The following ANKRD18A variants were observed in gnomAD, a reference collection of about 807,000 sequenced individuals.
ANKRD18A encodes ankyrin repeat domain 18A.
In ANKRD18A, 72 loss-of-function variants were observed where a neutral mutation model predicts 110.6. The ratio of observed to expected loss-of-function variants is 0.65; its 90% CI spans 0.54 to 0.79. The LOEUF (loss-of-function observed/expected upper bound fraction) is 0.79. Among genes scored for constraint, ANKRD18A ranks in the 30% least tolerant of loss-of-function variants. The probability of loss-of-function intolerance (pLI) is 0.00; values close to 1 mark genes in which losing one functional copy is unlikely to be tolerated. For missense variants in ANKRD18A, 934 were observed against 1,163.3 expected (o/e 0.80, Z 2.87); for synonymous variants, 305 against 410.3 (o/e 0.74, Z 3.10).
At chr9:38,619,397 T>C (rs1290278771) in intron 1 of ANKRD18A, among the ~76,000 whole-genome samples, 1 of 152,210 alleles carries the variant, frequency 6.6e-6, no homozygotes, top group African/African-American at 2.4e-5. Flanking sequence ...TGTTTTTGGA[T>C]TTCCTGTTCT....
At chr9:38,576,995 C>A (rs942460103) in intron 14 of ANKRD18A, 58 bp downstream of exon 14, 49 of 1,474,870 alleles carry the variant, frequency 3.3e-5, no homozygotes, top group African/African-American at 4.3e-5. Context: ...AAAAATTATG[C>A]TTTTAAGACA....
intron 12 of ANKRD18A, among the ~76,000 whole-genome samples, chr9:38,585,435 T>C (rs1224020944): frequency 6.6e-6 from 1 of 152,176 alleles, no homozygotes. Context: ...TATTGATTTA[T>C]GATTTTCCCT....
intron 14 of ANKRD18A, among the ~76,000 whole-genome samples, chr9:38,576,715 T>C (rs1285022039): frequency 6.6e-6 from 1 of 152,162 alleles, no homozygotes; most frequent in Non-Finnish European, 1.5e-5. Flanking sequence ...TATTCCCATT[T>C]AGGGAAATTC....
chr9:38,571,224 G>A (rs1823631104), downstream of ANKRD18A: 1 of 1,409,978 alleles, frequency 7.1e-7, no homozygotes, highest in Non-Finnish European at 9.4e-7. Context: ...AAATACATTA[G>A]TTTAGAACAC....
intron 14 of ANKRD18A, among the ~76,000 whole-genome samples, chr9:38,576,485 T>C (rs1310140829): frequency 6.6e-6 from 1 of 152,212 alleles, no homozygotes; most frequent in Non-Finnish European, 1.5e-5. Flanking sequence ...TTCTTTTCAT[T>C]CCTGTGATAA....
Position 38,577,886 on chromosome 9 carries a change from A to T in ANKRD18A, c.2510T>A (p.Leu837Ter), listed in dbSNP as rs1823969251. Residue 837 changes from leucine (L) to a stop codon, truncating the protein, a stop_gained, in exon 13 of 16, where the codon TTA becomes TAA. Transcript: ENST00000399703. LOFTEE classifies it high-confidence loss of function. ...ACTAACCTGTAAATGGATTTCTTCT[A>T]ATTTTTCTATTTCCTGCACTGCCCT... ...DERAVQEIEK[L>*]EEIHLQKQAE... 3 of 1,587,892 alleles carry T rather than the reference A, an allele frequency of 1.9e-6. No individual in the cohort carries two copies. Among genetic ancestry groups the T allele is most frequent in the Admixed American group, 1.8e-5 (1 of 54,706 alleles).
intron 7 of ANKRD18A, 27 bp from the exon 8 acceptor site, chr9:38,601,231 A>G (rs778641301): frequency 6.0e-5 from 92 of 1,534,344 alleles, no homozygotes; most frequent in Non-Finnish European, 8.0e-5. Flanking sequence ...TTTAGTTAAA[A>G]TGAATGATTT....
In ANKRD18A at chr9:38,615,760, T is replaced by C; in HGVS notation, c.329A>G (p.His110Arg). ...LNRTPLMKAV[H>R]SQEEACAIVL... The stretch of plus-strand genomic sequence containing the variant: ...GATGGCACAAGCCTCTTCCTGGCTG[T>C]GTACAGCCTATTAGTGTTAGATAAA... The change falls in exon 3 of 16, where the codon CAC becomes CGC. Residue 110 changes from histidine to arginine, a missense_variant. His to Arg is a conservative substitution (Grantham distance 29). Transcript: ENST00000399703. 2 of 1,612,730 alleles carry C rather than the reference T, an allele frequency of 1.2e-6. No individual in the cohort carries two copies. The highest frequency in any genetic ancestry group is 1.7e-6 in the Non-Finnish European group (2 of 1,179,754).
At chr9:38,577,717 G>GA in intron 13 of ANKRD18A, 150 bp downstream of exon 13, 1 of 834,064 alleles carries the variant, frequency 1.2e-6, no homozygotes, top group Non-Finnish European at 1.7e-6. Context: ...TATTTAAAAG[G>GA]AAAAAAGTCA....
chr9:38,601,542 T>C (rs2118818334), intron 7 of ANKRD18A, among the ~76,000 whole-genome samples: 1 of 152,312 alleles, frequency 6.6e-6, no homozygotes, highest in East Asian at 1.9e-4. Context: ...ATTCTCTGCT[T>C]CATAATAGTA....
chr9:38,575,880 A>C (rs1368324557), intron 14 of ANKRD18A, among the ~76,000 whole-genome samples, 182 bp from the exon 15 acceptor site: 1 of 152,224 alleles, frequency 6.6e-6, no homozygotes, highest in Non-Finnish European at 1.5e-5. Flanking sequence ...AATCATCCTA[A>C]ATAAGTATAT....
chr9:38,573,847 C>G (rs1823767226), intron 15 of ANKRD18A, among the ~76,000 whole-genome samples: 1 of 151,554 alleles, frequency 6.6e-6, no homozygotes, highest in African/African-American at 2.4e-5. Flanking sequence ...TAAATTTTTT[C>G]TTAAAAAGAA....
chr9:38,611,112 A>G, intron 4 of ANKRD18A, 103 bp downstream of exon 4: 3 of 1,436,962 alleles, frequency 2.1e-6, no homozygotes, highest in East Asian at 2.6e-5. Flanking sequence ...GCCAATAATT[A>G]TAAGTTTAAT....
chr9:38,605,468 G>A (rs1044160308), intron 6 of ANKRD18A, among the ~76,000 whole-genome samples: 5 of 151,958 alleles, frequency 3.3e-5, no homozygotes, highest in African/African-American at 7.3e-5. Flanking sequence ...CTAAGTTAAC[G>A]GTGTCTTTAT....
At chr9:38,595,253 C>T (rs925991145) in intron 9 of ANKRD18A, among the ~76,000 whole-genome samples, 8 of 152,272 alleles carry the variant, frequency 5.3e-5, no homozygotes, top group Admixed American at 4.6e-4. Context: ...CCAGGACAAT[C>T]CCTAATGCCC....
chr9:38,577,412 C>G, intron 13 of ANKRD18A, 148 bp from the exon 14 acceptor site: 1 of 776,874 alleles, frequency 1.3e-6, no homozygotes, highest in Non-Finnish European at 2.0e-6. Context: ...TCAGCAATAT[C>G]AACAAAACTA....
chr9:38,607,494 C>T lies in ANKRD18A; in HGVS notation c.741-1G>A. On this transcript the variant is annotated splice_acceptor_variant, in intron 5 of 15. Coordinates refer to ENST00000399703, the MANE Select transcript of ANKRD18A (RefSeq NM_147195.4). LOFTEE classifies it high-confidence loss of function. Reference sequence around the variant, plus strand: ...ATGTTCCAAAATTTGTTGTCGGATGCTATGCATAATAAACGTAATAAAATT... The same window carrying T: ...ATGTTCCAAAATTTGTTGTCGGATGTTATGCATAATAAACGTAATAAAATT... 6.8e-7 allele frequency: 1 copy of T among 1,469,406 alleles called. No homozygotes were observed. The highest frequency in any genetic ancestry group is 9.1e-7 in the Non-Finnish European group (1 of 1,102,480). The allele number at this position is 1,469,406 out of a possible 1,614,324, so 91.0% of individuals were successfully genotyped here. A position where few individuals can be genotyped will look rare whatever the true frequency, so the allele number is the denominator to read the frequency against.
At position 38,612,759 on chromosome 9, in the gene ANKRD18A, T is replaced by C. The variant is rs530350413; in HGVS notation, c.496-1438A>G. Among the ~76,000 whole-genome samples the C allele has an allele frequency of 2.0e-4, 30 of 152,124 alleles. No individual in the cohort carries two copies. The East Asian group carries it at 4.5e-3, about 23-fold the overall frequency. ...GTCTCCATCTCCTGACCTCGTGATC[T>C]GCCCGCCTCAGCCTCCCAAAGTGCT... is the stretch of plus-strand genomic sequence containing the variant. On this transcript the variant is annotated intron_variant, in intron 3 of 15. Transcript: ENST00000399703.
intron 3 of ANKRD18A, among the ~76,000 whole-genome samples, chr9:38,614,231 T>G (rs1267234076): frequency 0.014 from 1,951 of 136,000 alleles, 39 homozygotes; most frequent in African/African-American, 0.058. Context: ...TTTTTTTTTT[T>G]TTTTTTTTTT....
Sources: gnomAD v4.1 joint callset for allele counts (sites outside exome capture counted in the v4.1 genomes callset) on GRCh38, gnomAD v4.1.1 for gene constraint, MANE v1.5 for transcripts, NCBI Gene and HGNC (gene_info 2026-07-23, HGNC 2026-07-21) for gene names.